PPP2R2C: variants seen among roughly 807,000 people sequenced by gnomAD.
PPP2R2C encodes the protein protein phosphatase 2 regulatory subunit Bgamma, also known as protein phosphatase 2, regulatory subunit B, gamma.
Under a neutral mutation model 45.3 loss-of-function variants are expected in PPP2R2C, and 10 were observed. The observed-to-expected ratio is 0.22, with a 90% CI of 0.14 to 0.37. PPP2R2C has a LOEUF of 0.37. Among genes scored for constraint, PPP2R2C ranks in the 10% least tolerant of loss-of-function variants. The pLI is 1.00. For missense variants in PPP2R2C, 308 were observed against 619.7 expected (o/e 0.50, Z 5.34); for synonymous variants, 257 against 245.4 (o/e 1.05, Z -0.44).
chr4:6,521,804 T>G (rs1448944294), intron 2 of PPP2R2C, among the ~76,000 whole-genome samples: 1 of 152,268 alleles, frequency 6.6e-6, no homozygotes, highest in African/African-American at 2.4e-5. Flanking sequence ...GAGCTAGCTA[T>G]GAGGGAGGAA....
intron 1 of PPP2R2C, among the ~76,000 whole-genome samples, chr4:6,540,128 GTGTATTCACAGAGC>G (rs1448452027): frequency 6.6e-6 from 1 of 152,164 alleles, no homozygotes; most frequent in Non-Finnish European, 1.5e-5. Context: ...AGTAGTTTTA[GTGTATTCACAGAGC>G]TGTGCAGCCC....
intron 6 of PPP2R2C, among the ~76,000 whole-genome samples, chr4:6,346,436 AC>A (rs1368680622): frequency 6.6e-6 from 1 of 150,546 alleles, no homozygotes; most frequent in Admixed American, 6.6e-5. Context: ...GCCCTCCCTG[AC>A]CCCCTCTGTC....
In PPP2R2C at chr4:6,378,303, G is replaced by A; in HGVS notation, c.334+104C>T. 1 of 1,571,562 alleles carries A rather than the reference G, an allele frequency of 6.4e-7. No homozygotes were observed. Among genetic ancestry groups the A allele is most frequent in the Non-Finnish European group, 8.6e-7 (1 of 1,162,800 alleles). ...AAGGATATTATTTTCTAGGCGTTCT[G>A]AAGACATAGAAAAATGCTCACAATA... On this transcript the variant is annotated intron_variant, in intron 3 of 8. Coordinates refer to ENST00000382599, the MANE Select transcript of PPP2R2C (RefSeq NM_020416.4). The surrounding 1 kb of genome is among the most constrained non-coding windows in gnomAD (Gnocchi z 5.2).
rs186692653 is a variant in PPP2R2C at position 6,442,058 on chromosome 4, C to A, written c.70+30102G>T. ...GTGTCCGTGGGTGGGGGAAGGCAGC[C>A]AGCAGAGAGGACCGTCTCACCCTGG... On this transcript the variant is annotated intron_variant, in intron 1 of 8. Coordinates refer to ENST00000382599, the MANE Select transcript of PPP2R2C (RefSeq NM_020416.4). Among the ~76,000 whole-genome samples, 403 of 152,340 alleles carry A rather than the reference C, an allele frequency of 2.6e-3. No individual in the cohort carries two copies. In the Middle Eastern group the frequency reaches 0.027, roughly 10 times the overall value.
rs1294248680 is a variant in PPP2R2C at position 6,345,880 on chromosome 4, C to A, written c.790+1966G>T. Among the ~76,000 whole-genome samples, 1 of 152,182 alleles carries A rather than the reference C, an allele frequency of 6.6e-6. No individual in the cohort carries two copies. Among genetic ancestry groups the A allele is most frequent in the Non-Finnish European group, 1.5e-5 (1 of 68,032 alleles). ...CCACGGCCACTAACTCCACACTTAT[C>A]TCCAGGTGGCATTACTGCCTGGATA... On this transcript the variant is annotated intron_variant, in intron 6 of 8. Transcript: ENST00000382599. The surrounding 1 kb of genome is among the most constrained non-coding windows in gnomAD (Gnocchi z 5.3).
chr4:6,465,076 G>A (rs568623417), intron 1 of PPP2R2C, among the ~76,000 whole-genome samples: 3 of 152,102 alleles, frequency 2.0e-5, no homozygotes, highest in African/African-American at 4.8e-5. Context: ...GCGGGGCCAA[G>A]GTAACCAGTC....
intron 1 of PPP2R2C, among the ~76,000 whole-genome samples, chr4:6,392,577 T>C (rs1324526957): frequency 6.6e-6 from 1 of 151,732 alleles, no homozygotes; most frequent in African/African-American, 2.4e-5. Flanking sequence ...GGCCCTGAGG[T>C]AGGGTGAGTT....
At chr4:6,409,392 G>C (rs891255342) in intron 1 of PPP2R2C, among the ~76,000 whole-genome samples, 1 of 152,118 alleles carries the variant, frequency 6.6e-6, no homozygotes, top group African/African-American at 2.4e-5. Context: ...GATGGTGTCA[G>C]TGAGCTTCCT....
intron 2 of PPP2R2C, among the ~76,000 whole-genome samples, chr4:6,534,189 C>A (rs1724505844): frequency 6.7e-6 from 1 of 149,590 alleles, no homozygotes; most frequent in South Asian, 2.1e-4. Flanking sequence ...CACACATCAA[C>A]ACATACAACA....
chr4:6,402,516 T>G (rs1717484785), intron 1 of PPP2R2C, among the ~76,000 whole-genome samples: 1 of 152,202 alleles, frequency 6.6e-6, no homozygotes, highest in Non-Finnish European at 1.5e-5. Flanking sequence ...CTTCTTGCCT[T>G]CCTTCCTTCC....
intron 1 of PPP2R2C, among the ~76,000 whole-genome samples, chr4:6,431,703 C>G (rs1465802469): frequency 6.6e-6 from 1 of 152,196 alleles, no homozygotes; most frequent in Non-Finnish European, 1.5e-5. Flanking sequence ...CGGGGCCTGC[C>G]TCTGGGGAGC....
At chr4:6,483,930 G>A (rs750018371) in intron 2 of PPP2R2C, among the ~76,000 whole-genome samples, 16 of 152,068 alleles carry the variant, frequency 1.1e-4, no homozygotes, top group East Asian at 5.8e-4. Context: ...GACCAGCTGC[G>A]TATTTTTATA....
At chr4:6,472,094 C>T in intron 1 of PPP2R2C, 66 bp downstream of exon 1, 1 of 1,600,882 alleles carries the variant, frequency 6.2e-7, no homozygotes, top group Non-Finnish European at 8.5e-7. Context: ...CTTCGGAGGG[C>T]ATTCGGTGCG....
chr4:6,462,659 G>A (rs749926344), intron 1 of PPP2R2C, among the ~76,000 whole-genome samples: 1 of 152,106 alleles, frequency 6.6e-6, no homozygotes, highest in South Asian at 2.1e-4. Context: ...AACTGGGGAC[G>A]TTCATAAAAT....
chr4:6,405,272 G>A (rs1717719664), intron 1 of PPP2R2C, among the ~76,000 whole-genome samples: 1 of 152,118 alleles, frequency 6.6e-6, no homozygotes, highest in Non-Finnish European at 1.5e-5. Context: ...GGCTCAGGGC[G>A]GCTCCATAGC....
intron 1 of PPP2R2C, among the ~76,000 whole-genome samples, chr4:6,439,548 G>T (rs983745903): frequency 1.3e-5 from 2 of 152,064 alleles, no homozygotes; most frequent in African/African-American, 2.4e-5. Flanking sequence ...CTGATGGATG[G>T]CTCTGGTCAG....
chr4:6,375,995 C>T (rs1715270886), intron 3 of PPP2R2C, 64 bp from the exon 4 acceptor site: 1 of 1,370,322 alleles, frequency 7.3e-7, no homozygotes, highest in Non-Finnish European at 1.0e-6. Context: ...AGAGAAGATC[C>T]ACTTTAGAAG....
At chr4:6,533,936 A>C (rs1577243995) in intron 2 of PPP2R2C, among the ~76,000 whole-genome samples, 1 of 151,878 alleles carries the variant, frequency 6.6e-6, no homozygotes, top group African/African-American at 2.4e-5. Flanking sequence ...ACACATACAC[A>C]TCAATAAGCT....
chr4:6,428,850 A>T (rs1719469762), intron 1 of PPP2R2C, among the ~76,000 whole-genome samples: 1 of 152,194 alleles, frequency 6.6e-6, no homozygotes, highest in African/African-American at 2.4e-5. Flanking sequence ...TGAAGTCACA[A>T]CCAGGAAGTG....
Sources: allele counts gnomAD v4.1 joint callset (sites outside exome capture counted in the v4.1 genomes callset), GRCh38; gene constraint gnomAD v4.1.1; non-coding constraint Gnocchi (gnomAD v3.1); transcripts MANE v1.5; gene names NCBI Gene and HGNC (gene_info 2026-07-23, HGNC 2026-07-21).